The following ESR1 variants were observed in gnomAD, a reference collection of about 807,000 sequenced individuals.
ESR1 encodes the protein estrogen receptor.
In ESR1, 12 loss-of-function variants were observed where a neutral mutation model predicts 52.7. The ratio of observed to expected loss-of-function variants is 0.23; its 90% confidence interval spans 0.15 to 0.37. The LOEUF (loss-of-function observed/expected upper bound fraction) is 0.37. Ranked by LOEUF, ESR1 falls within the 10% of genes least tolerant of loss-of-function variation. The pLI, the probability that ESR1 is intolerant of heterozygous loss-of-function variation, is 1.00. For synonymous variants in ESR1, 305 were observed against 316.8 expected (o/e 0.96, Z 0.39); for missense variants, 584 against 779.7 (o/e 0.75, Z 2.99).
intron 2 of ESR1, among the ~76,000 whole-genome samples, chr6:151,754,991 T>C (rs1784172276): frequency 6.6e-6 from 1 of 152,112 alleles, no homozygotes; most frequent in East Asian, 1.9e-4. Flanking sequence ...GTGGGCAGAC[T>C]ACTTGAGCCC....
intron 5 of ESR1, among the ~76,000 whole-genome samples, chr6:152,060,579 G>A (rs2047469020): frequency 6.6e-6 from 1 of 152,172 alleles, no homozygotes; most frequent in Non-Finnish European, 1.5e-5. Flanking sequence ...AAGGCTATGA[G>A]CATCTTCAGC....
At chr6:152,078,730 G>A (rs963360470) in intron 6 of ESR1, among the ~76,000 whole-genome samples, 42 of 152,210 alleles carry the variant, frequency 2.8e-4, no homozygotes, top group African/African-American at 9.4e-4. Context: ...AAGGGAAGCT[G>A]TGACAGACTG....
At chr6:152,011,611 G>C (rs377172494) in intron 4 of ESR1, 45 bp from the exon 5 acceptor site, 1 of 1,611,960 alleles carries the variant, frequency 6.2e-7, no homozygotes, top group Non-Finnish European at 8.5e-7. Context: ...CCAGTAATGA[G>C]TCTTTTTCAT....
intron 5 of ESR1, among the ~76,000 whole-genome samples, chr6:152,038,630 T>G (rs2045520243): frequency 1.3e-5 from 2 of 151,774 alleles, no homozygotes; most frequent in African/African-American, 4.8e-5. Context: ...ATGAAGTCAA[T>G]AAATACTTTT....
chr6:151,738,360 A>G (rs558163441), intron 2 of ESR1, among the ~76,000 whole-genome samples: 1 of 152,268 alleles, frequency 6.6e-6, no homozygotes, highest in Admixed American at 6.5e-5. Flanking sequence ...CCTGCTTTCA[A>G]TTATTTTGGG....
chr6:152,091,385 G>A (rs2050166463), intron 6 of ESR1, among the ~76,000 whole-genome samples: 1 of 152,218 alleles, frequency 6.6e-6, no homozygotes, highest in African/African-American at 2.4e-5. Flanking sequence ...ATGATAAGCT[G>A]TATTGATGCC....
intron 5 of ESR1, among the ~76,000 whole-genome samples, chr6:152,028,580 G>A (rs1054448490): frequency 6.6e-6 from 1 of 152,170 alleles, no homozygotes; most frequent in Non-Finnish European, 1.5e-5. Flanking sequence ...ACTGCAAGGT[G>A]CAAGCGAGGC....
intron 3 of ESR1, among the ~76,000 whole-genome samples, chr6:151,930,899 A>C (rs1215578387): frequency 6.6e-6 from 1 of 152,098 alleles, no homozygotes; most frequent in East Asian, 1.9e-4. Context: ...GCTGTATTTC[A>C]TCCTGTTCTC....
At chr6:151,840,695 G>A (rs1332624653) in intron 1 of ESR1, among the ~76,000 whole-genome samples, 4 of 152,314 alleles carry the variant, frequency 2.6e-5, no homozygotes, top group African/African-American at 9.6e-5. Context: ...CTGGAAGCAG[G>A]AAGCTTGAGC....
chr6:151,997,857 T>C (rs1039320678), intron 4 of ESR1, among the ~76,000 whole-genome samples: 3 of 152,216 alleles, frequency 2.0e-5, no homozygotes, highest in Admixed American at 1.3e-4. Context: ...TCTTTAAAGA[T>C]GCTACCATCC....
At chr6:151,686,088 T>TA (rs1554234396), upstream of ESR1, among the ~76,000 whole-genome samples, 102 of 143,134 alleles carry the variant, frequency 7.1e-4, 3 homozygotes, top group East Asian at 5.9e-3. Context: ...TTTTTTTTTT[T>TA]ATTTAGAGAC....
At chr6:151,976,547 A>G (rs933883322) in intron 4 of ESR1, among the ~76,000 whole-genome samples, 6 of 152,122 alleles carry the variant, frequency 3.9e-5, no homozygotes, top group African/African-American at 1.2e-4. Flanking sequence ...GAAGTATCTC[A>G]TCAGAATAGT....
intron 4 of ESR1, among the ~76,000 whole-genome samples, chr6:151,996,213 A>T (rs755511315): frequency 3.3e-5 from 5 of 152,142 alleles, no homozygotes; most frequent in African/African-American, 7.2e-5. Context: ...TGCTGTGGTC[A>T]CCAAGGAATC....
intron 1 of ESR1, among the ~76,000 whole-genome samples, chr6:151,691,453 A>G (rs571120793): frequency 2.3e-4 from 35 of 152,252 alleles, no homozygotes; most frequent in Non-Finnish European, 4.8e-4. Flanking sequence ...TTTGTCAAGA[A>G]GATAACCAGT....
At chr6:151,683,864 ATTT>A (rs66983259) in intron 1 of ESR1, among the ~76,000 whole-genome samples, 19 of 118,450 alleles carry the variant, frequency 1.6e-4, no homozygotes, top group South Asian at 2.8e-4. Context: ...ACGTCTGGCT[ATTT>A]TTTTTTTTTT....
intron 4 of ESR1, among the ~76,000 whole-genome samples, chr6:151,996,472 G>A (rs1367220159): frequency 6.6e-6 from 1 of 152,024 alleles, no homozygotes; most frequent in Non-Finnish European, 1.5e-5. Flanking sequence ...TTTGGGCTGT[G>A]CCAAAGCCCC....
chr6:151,739,550 A>AT (rs1288453689), intron 2 of ESR1, among the ~76,000 whole-genome samples: 1 of 152,168 alleles, frequency 6.6e-6, no homozygotes, highest in African/African-American at 2.4e-5. Flanking sequence ...GACTATAACC[A>AT]TTTTCAAAGT....
intron 6 of ESR1, among the ~76,000 whole-genome samples, chr6:152,113,838 C>T (rs2051176623): frequency 2.0e-5 from 3 of 152,036 alleles, no homozygotes; most frequent in Admixed American, 2.0e-4. Flanking sequence ...CCATTATTAT[C>T]CCATTTTACA....
At chr6:151,866,694 A>G (rs1789977391) in intron 2 of ESR1, among the ~76,000 whole-genome samples, 2 of 152,128 alleles carry the variant, frequency 1.3e-5, no homozygotes, top group Admixed American at 1.3e-4. Context: ...TCCATGGTGT[A>G]TATGTGCCAC....
Sources: allele counts gnomAD v4.1 joint callset (sites outside exome capture counted in the v4.1 genomes callset), GRCh38; gene constraint gnomAD v4.1.1; transcripts MANE v1.5; gene names NCBI Gene and HGNC (gene_info 2026-07-23, HGNC 2026-07-21).